MACROD2: variants seen among roughly 807,000 people sequenced by gnomAD.
MACROD2 encodes mono-ADP ribosylhydrolase 2.
Under a neutral mutation model 70.4 loss-of-function variants are expected in MACROD2, and 36 were observed. The ratio of observed to expected loss-of-function variants is 0.51; its 90% confidence interval spans 0.39 to 0.68. The LOEUF (loss-of-function observed/expected upper bound fraction) is 0.68. Among genes scored for constraint, MACROD2 ranks in the 30% least tolerant of loss-of-function variants. The pLI, the probability that MACROD2 is intolerant of heterozygous loss-of-function variation, is 0.00. For missense variants in MACROD2, 496 were observed against 538.4 expected, an observed-to-expected ratio of 0.92 and a Z score of 0.78; for synonymous variants, 172 against 178.8, an observed-to-expected ratio of 0.96 and a Z score of 0.30.
chr20:14,737,110 C>G (rs2071675447), intron 5 of MACROD2, among the ~76,000 whole-genome samples: 1 of 152,064 alleles, frequency 6.6e-6, no homozygotes, highest in East Asian at 1.9e-4. Flanking sequence ...CCCTAGCCCC[C>G]ACCACCCAAC....
intron 3 of MACROD2, among the ~76,000 whole-genome samples, chr20:14,239,567 C>G (rs2081910937): frequency 6.6e-6 from 1 of 152,140 alleles, no homozygotes; most frequent in Non-Finnish European, 1.5e-5. Context: ...TGCCATATAC[C>G]TACAACCATC....
chr20:14,266,566 T>C (rs1371887263), intron 3 of MACROD2, among the ~76,000 whole-genome samples: 2 of 152,174 alleles, frequency 1.3e-5, no homozygotes, highest in Non-Finnish European at 2.9e-5. Context: ...TTTATATAGA[T>C]CTACTAGATA....
At chr20:14,352,149 C>T in intron 3 of MACROD2, among the ~76,000 whole-genome samples, 1 of 152,240 alleles carries the variant, frequency 6.6e-6, no homozygotes, top group Middle Eastern at 3.4e-3. Context: ...TGAGGTTTTG[C>T]ATCAATATTC....
intron 3 of MACROD2, chr20:14,325,679 C>A (rs1306933105): frequency 6.2e-7 from 1 of 1,613,838 alleles, no homozygotes; most frequent in Non-Finnish European, 8.5e-7. Context: ...GTGTGTATTA[C>A]AAACTCCTCC....
chr20:14,849,105 G>C (rs1171740950), intron 5 of MACROD2, among the ~76,000 whole-genome samples: 2 of 152,102 alleles, frequency 1.3e-5, no homozygotes, highest in Non-Finnish European at 2.9e-5. Context: ...TTCTGGTCAG[G>C]GCTCTTTGGC....
chr20:15,599,181 C>A (rs559520897), intron 8 of MACROD2, among the ~76,000 whole-genome samples: 6 of 151,928 alleles, frequency 3.9e-5, no homozygotes, highest in Admixed American at 3.3e-4. Context: ...GAGATCGAGA[C>A]CATCCCTGGC....
Position 14,835,712 on chromosome 20 carries a change from G to T in MACROD2, c.418+150753G>T, listed in dbSNP as rs114703482. Among the ~76,000 whole-genome samples the T allele has an allele frequency of 8.7e-3, 1,320 of 151,938 alleles. 20 individuals are homozygous for T. The highest frequency in any genetic ancestry group is 0.03 in the African/African-American group (1,226 of 41,450). ...TTCTACTACCATTGCTCTGGAACAG[G>T]GCATTGCACCATTCTCTTAGAAACT... On this transcript the variant is annotated intron_variant, in intron 5 of 17. Transcript: ENST00000684519.
chr20:15,560,568 G>A (rs2048227819), intron 8 of MACROD2, among the ~76,000 whole-genome samples: 1 of 151,758 alleles, frequency 6.6e-6, no homozygotes, highest in South Asian at 2.1e-4. Context: ...TTTGAGACCA[G>A]CCTGGCCAAC....
At chr20:14,513,317 A>G (rs972733952) in intron 4 of MACROD2, among the ~76,000 whole-genome samples, 11 of 152,272 alleles carry the variant, frequency 7.2e-5, no homozygotes, top group African/African-American at 2.6e-4. Context: ...TTAAAGATAC[A>G]TGGCAAAAGT....
chr20:14,145,873 A>G (rs2054936314), intron 3 of MACROD2, among the ~76,000 whole-genome samples: 1 of 152,254 alleles, frequency 6.6e-6, no homozygotes, highest in Non-Finnish European at 1.5e-5. Flanking sequence ...ATTAAAATCA[A>G]TATTAACGTA....
intron 5 of MACROD2, among the ~76,000 whole-genome samples, chr20:15,157,026 C>A (rs2076311479): frequency 6.6e-6 from 1 of 152,184 alleles, no homozygotes; most frequent in Non-Finnish European, 1.5e-5. Context: ...TTTCCTAGTC[C>A]ATTACTGTTA....
intron 5 of MACROD2, among the ~76,000 whole-genome samples, chr20:15,145,577 CAATT>C (rs2076224419): frequency 6.6e-6 from 1 of 151,824 alleles, no homozygotes; most frequent in South Asian, 2.1e-4. Flanking sequence ...TTCTTAATGA[CAATT>C]AATTTTAAAT....
chr20:14,413,137 G>A (rs1328410102), intron 3 of MACROD2, among the ~76,000 whole-genome samples: 1 of 150,252 alleles, frequency 6.7e-6, no homozygotes, highest in Admixed American at 6.6e-5. Flanking sequence ...CTATTAAAGG[G>A]TTGAGCTGGT....
At chr20:14,519,816 A>C (rs1260599624) in intron 4 of MACROD2, among the ~76,000 whole-genome samples, 1 of 152,212 alleles carries the variant, frequency 6.6e-6, no homozygotes, top group Non-Finnish European at 1.5e-5. Context: ...GAATCAGCCT[A>C]AATGTCCATT....
chr20:14,856,418 A>C (rs1392647608), intron 5 of MACROD2, among the ~76,000 whole-genome samples: 1 of 152,198 alleles, frequency 6.6e-6, no homozygotes, highest in Non-Finnish European at 1.5e-5. Flanking sequence ...TATAAAAGCT[A>C]TCTGAGCATT....
chr20:15,022,697 T>C (rs1568536060), intron 5 of MACROD2, among the ~76,000 whole-genome samples: 1 of 152,208 alleles, frequency 6.6e-6, no homozygotes, highest in Non-Finnish European at 1.5e-5. Context: ...TCTCATTACA[T>C]AGCTTTATGA....
intron 5 of MACROD2, among the ~76,000 whole-genome samples, chr20:15,103,562 G>A (rs2075889201): frequency 6.6e-6 from 1 of 152,146 alleles, no homozygotes; most frequent in African/African-American, 2.4e-5. Flanking sequence ...TGGACCATTA[G>A]TATTGGCTGT....
rs528507763 is a variant in MACROD2 at position 14,166,464 on chromosome 20, G to A, written c.271+80736G>A. ...TAGACAGCTTCTCCTTTGGAAAATA[G>A]CATCTATTTTCAGGGATTCAAATAT... On this transcript the variant is annotated intron_variant, in intron 3 of 17. Coordinates refer to ENST00000684519, the MANE Select transcript of MACROD2 (RefSeq NM_001351661.2). Among the ~76,000 whole-genome samples, 313 of 152,136 alleles carry A rather than the reference G, an allele frequency of 2.1e-3. 1 individual carries two copies. The highest frequency in any genetic ancestry group is 7.5e-3 in the African/African-American group (311 of 41,506).
At chr20:15,547,501 G>A (rs912483075) in intron 8 of MACROD2, among the ~76,000 whole-genome samples, 8 of 152,110 alleles carry the variant, frequency 5.3e-5, no homozygotes, top group African/African-American at 1.9e-4. Flanking sequence ...TGGAAGACTA[G>A]CCCAGTTGTT....
Sources: gnomAD v4.1 joint callset for allele counts (sites outside exome capture counted in the v4.1 genomes callset) on GRCh38, gnomAD v4.1.1 for gene constraint, MANE v1.5 for transcripts, NCBI Gene and HGNC (gene_info 2026-07-23, HGNC 2026-07-21) for gene names.